The following CADPS variants were observed in gnomAD, a reference collection of about 807,000 sequenced individuals.
CADPS encodes the protein calcium dependent secretion activator, also known as calcium-dependent secretion activator 1.
A neutral mutation model predicts 167.3 loss-of-function variants in CADPS; 57 were observed. The observed-to-expected ratio is 0.34, with a 90% CI of 0.28 to 0.42. CADPS has a LOEUF of 0.42. CADPS is among the 20% of genes least tolerant of loss of function. The probability of loss-of-function intolerance (pLI) is 1.00; values close to 1 mark genes in which losing one functional copy is unlikely to be tolerated. For missense variants in CADPS, 1,414 were observed against 1,738.1 expected (o/e 0.81, Z 3.32); for synonymous variants, 676 against 635.3 (o/e 1.06, Z -0.96).
intron 28 of CADPS, among the ~76,000 whole-genome samples, chr3:62,405,448 G>GAAA (rs35356402): frequency 1.6e-5 from 2 of 128,056 alleles, no homozygotes. Context: ...CACCTTTCAG[G>GAAA]AAAAAAAAAA....
chr3:62,512,267 G>A (rs2068006265), intron 17 of CADPS, among the ~76,000 whole-genome samples: 1 of 152,028 alleles, frequency 6.6e-6, no homozygotes, highest in Admixed American at 6.6e-5. Flanking sequence ...GCCCCTGTTC[G>A]GTCATCCTGT....
At chr3:62,765,750 T>A (rs969325142) in intron 2 of CADPS, 121 bp downstream of exon 2, 18 of 573,378 alleles carry the variant, frequency 3.1e-5, no homozygotes, top group Non-Finnish European at 4.7e-5. Context: ...ACCAACCCAT[T>A]TGCCTTAGGA....
At position 62,584,454 on chromosome 3, in the gene CADPS, G is replaced by A. The variant is rs114725963; in HGVS notation, c.1577+731C>T. Among the ~76,000 whole-genome samples, 496 of 152,252 alleles carry A rather than the reference G, an allele frequency of 3.3e-3. 2 individuals are homozygous for A. The highest frequency in any genetic ancestry group is 0.011 in the African/African-American group (468 of 41,554). ...TTGGCAGCGTACCTGCAGAATACCC[G>A]CCAAACACTCCATTCCCTTCTACTA... On this transcript the variant is annotated intron_variant, in intron 8 of 29. Coordinates refer to ENST00000383710, the MANE Select transcript of CADPS (RefSeq NM_003716.4).
intron 3 of CADPS, among the ~76,000 whole-genome samples, chr3:62,678,128 C>A (rs1012493584): frequency 1.3e-5 from 2 of 152,058 alleles, no homozygotes; most frequent in Non-Finnish European, 1.5e-5. Context: ...GACACACTCA[C>A]AAACCACACC....
chr3:62,477,409 GA>G (rs2061468029), intron 23 of CADPS, among the ~76,000 whole-genome samples: 1 of 151,748 alleles, frequency 6.6e-6, no homozygotes, highest in Non-Finnish European at 1.5e-5. Flanking sequence ...GAGTGATGAT[GA>G]TGATGTCCCC....
At chr3:62,659,614 G>A (rs898795930) in intron 4 of CADPS, among the ~76,000 whole-genome samples, 1 of 152,146 alleles carries the variant, frequency 6.6e-6, no homozygotes, top group Non-Finnish European at 1.5e-5. Flanking sequence ...ATTGCTACAG[G>A]TATCTTTCTA....
At chr3:62,486,444 C>CAAAAAA (rs1219097343) in intron 21 of CADPS, among the ~76,000 whole-genome samples, 4 of 63,940 alleles carry the variant, frequency 6.3e-5, no homozygotes, top group South Asian at 6.6e-4. Context: ...GACTCCGTCT[C>CAAAAAA]AAAAAAAAAA....
chr3:62,643,497 T>G (rs1028027504), intron 6 of CADPS, among the ~76,000 whole-genome samples: 2 of 152,234 alleles, frequency 1.3e-5, no homozygotes, highest in African/African-American at 4.8e-5. Context: ...GCCACATGTA[T>G]AGTTATGAGT....
intron 3 of CADPS, among the ~76,000 whole-genome samples, chr3:62,692,188 T>A (rs2079268296): frequency 1.3e-5 from 2 of 151,822 alleles, no homozygotes; most frequent in African/African-American, 4.8e-5. Context: ...TCTATATACA[T>A]ATATATAGAT....
At chr3:62,723,021 T>C (rs2076102444) in intron 3 of CADPS, among the ~76,000 whole-genome samples, 1 of 152,186 alleles carries the variant, frequency 6.6e-6, no homozygotes, top group African/African-American at 2.4e-5. Flanking sequence ...CAGCTAATTT[T>C]ATTCATTAGT....
intron 1 of CADPS, among the ~76,000 whole-genome samples, chr3:62,848,947 T>C (rs1250392002): frequency 7.5e-6 from 1 of 133,408 alleles, no homozygotes; most frequent in African/African-American, 2.9e-5. Flanking sequence ...GTATCCTCTT[T>C]TATTTCCTTG....
intron 1 of CADPS, among the ~76,000 whole-genome samples, chr3:62,792,427 C>T (rs1559643260): frequency 6.6e-6 from 1 of 151,996 alleles, no homozygotes; most frequent in African/African-American, 2.4e-5. Flanking sequence ...TAGTCTCAAA[C>T]TCCTGGGCTC....
intron 21 of CADPS, among the ~76,000 whole-genome samples, chr3:62,490,954 G>T (rs1195311301): frequency 6.6e-6 from 1 of 152,102 alleles, no homozygotes; most frequent in African/African-American, 2.4e-5. Flanking sequence ...TATAGAAAAA[G>T]TTTGCTGACC....
At chr3:62,667,614 T>A (rs1218927602) in intron 3 of CADPS, among the ~76,000 whole-genome samples, 1 of 152,046 alleles carries the variant, frequency 6.6e-6, no homozygotes, top group Non-Finnish European at 1.5e-5. Context: ...ACTCACTCTA[T>A]CCCATTTCTG....
At chr3:62,761,351 A>G (rs1294093478) in intron 2 of CADPS, among the ~76,000 whole-genome samples, 1 of 152,000 alleles carries the variant, frequency 6.6e-6, no homozygotes, top group African/African-American at 2.4e-5. Context: ...TGAACTAGGC[A>G]TTTATTAAAA....
At chr3:62,770,792 T>A (rs1435608388) in intron 1 of CADPS, among the ~76,000 whole-genome samples, 2 of 152,156 alleles carry the variant, frequency 1.3e-5, no homozygotes, top group Admixed American at 6.5e-5. Context: ...ATAAACAACA[T>A]TACCCAGACC....
At chr3:62,854,077 A>G (rs1410050300) in intron 1 of CADPS, among the ~76,000 whole-genome samples, 2 of 152,202 alleles carry the variant, frequency 1.3e-5, no homozygotes, top group Non-Finnish European at 2.9e-5. Context: ...ACATCTGAGC[A>G]TTTTCAAGGC....
At chr3:62,821,759 T>C (rs942247352) in intron 1 of CADPS, among the ~76,000 whole-genome samples, 1 of 152,190 alleles carries the variant, frequency 6.6e-6, no homozygotes, top group African/African-American at 2.4e-5. Flanking sequence ...GGTTTCAACA[T>C]AAACACTGGG....
At chr3:62,759,681 A>G (rs1271823218) in intron 2 of CADPS, among the ~76,000 whole-genome samples, 2 of 152,198 alleles carry the variant, frequency 1.3e-5, no homozygotes, top group South Asian at 2.1e-4. Context: ...CTTGACATGC[A>G]TAGATACATT....
Sources: allele counts gnomAD v4.1 joint callset (sites outside exome capture counted in the v4.1 genomes callset), GRCh38; gene constraint gnomAD v4.1.1; transcripts MANE v1.5; gene names NCBI Gene and HGNC (gene_info 2026-07-23, HGNC 2026-07-21).